Variants in FAM53A observed in about 807,000 individuals in gnomAD.
FAM53A encodes family with sequence similarity 53 member A.
In FAM53A, 28 loss-of-function variants were observed where a neutral mutation model predicts 26.6. That is an observed-to-expected ratio of 1.05 (90% CI 0.78 to 1.45). The LOEUF (loss-of-function observed/expected upper bound fraction) is 1.45. Ranked by LOEUF, FAM53A falls within the 40% of genes most tolerant of loss-of-function variation. FAM53A has a pLI of 0.00. For missense variants in FAM53A, 650 were observed against 575.8 expected, an observed-to-expected ratio of 1.13 and a Z score of -1.32; for synonymous variants, 290 against 253.1, an observed-to-expected ratio of 1.15 and a Z score of -1.38.
chr4:1,685,176 C>T (rs548561238), upstream of FAM53A, among the ~76,000 whole-genome samples: 77 of 152,170 alleles, frequency 5.1e-4, 3 homozygotes, highest in Non-Finnish European at 4.4e-5. Context: ...TCCGCCGACT[C>T]TGGAGATTCC....
chr4:1,667,655 C>T (rs935187902), intron 2 of FAM53A, among the ~76,000 whole-genome samples: 17 of 152,250 alleles, frequency 1.1e-4, no homozygotes, highest in Middle Eastern at 3.4e-3. Context: ...GTCACACGTG[C>T]CCAGTCCAAA....
chr4:1,675,001 T>C (rs1672430420), intron 1 of FAM53A, among the ~76,000 whole-genome samples: 2 of 151,848 alleles, frequency 1.3e-5, no homozygotes, highest in Admixed American at 1.3e-4. Flanking sequence ...CAGTGACGGA[T>C]GGTGGCAGTG....
At chr4:1,651,532 TA>T (rs34037321) in intron 4 of FAM53A, among the ~76,000 whole-genome samples, 45,042 of 145,122 alleles carry the variant, frequency 0.31, 7,113 homozygotes, top group Middle Eastern at 0.5. Flanking sequence ...AATTCTGTCT[TA>T]AAAAAAAAAA....
At chr4:1,684,536 C>T (rs1226536421), upstream of FAM53A, among the ~76,000 whole-genome samples, 3 of 151,500 alleles carry the variant, frequency 2.0e-5, no homozygotes, top group Non-Finnish European at 2.9e-5. Context: ...GCCCCCGGAT[C>T]GACGCCCCGC....
chr4:1,585,119 C>A, the FAM53A span, among the ~76,000 whole-genome samples: 1 of 152,094 alleles, frequency 6.6e-6, no homozygotes, highest in Non-Finnish European at 1.5e-5. Flanking sequence ...GTAGTGAGAA[C>A]ACAAAATCTA....
At chr4:1,641,756 C>T (rs941593793) in intron 4 of FAM53A, 149 bp from the exon 5 acceptor site, 2 of 781,092 alleles carry the variant, frequency 2.6e-6, no homozygotes, top group Non-Finnish European at 4.2e-6. Context: ...TGTACACCAG[C>T]CACAGCTCTC....
intron 1 of FAM53A, among the ~76,000 whole-genome samples, chr4:1,681,939 C>T (rs1715467334): frequency 6.6e-6 from 1 of 152,186 alleles, no homozygotes; most frequent in Admixed American, 6.5e-5. Context: ...ACAAGGTGAG[C>T]TCTGGACAGC....
At chr4:1,577,643 A>G in the FAM53A span, among the ~76,000 whole-genome samples, 1 of 152,172 alleles carries the variant, frequency 6.6e-6, no homozygotes, top group Non-Finnish European at 1.5e-5. Flanking sequence ...ATTACCATAA[A>G]TCCCCCGGTA....
chr4:1,611,638 G>T, the FAM53A span, among the ~76,000 whole-genome samples: 201 of 152,356 alleles, frequency 1.3e-3, no homozygotes, highest in Non-Finnish European at 1.8e-3. Context: ...TGCTCCATGT[G>T]CCAGCAGCAG....
the FAM53A span, among the ~76,000 whole-genome samples, chr4:1,606,574 G>A: frequency 6.6e-6 from 1 of 150,850 alleles, no homozygotes; most frequent in African/African-American, 2.5e-5. Context: ...TCAGACAAGT[G>A]CATAATGACA....
At chr4:1,596,145 C>G in the FAM53A span, among the ~76,000 whole-genome samples, 1 of 152,166 alleles carries the variant, frequency 6.6e-6, no homozygotes, top group Non-Finnish European at 1.5e-5. Flanking sequence ...AGGCCACTAC[C>G]AGGCCACACC....
the FAM53A span, among the ~76,000 whole-genome samples, chr4:1,598,157 C>T: frequency 1.3e-5 from 2 of 152,262 alleles, no homozygotes; most frequent in Admixed American, 6.5e-5. Context: ...GGGGCCCAGC[C>T]CCTTCTTGCC....
At chr4:1,660,045 C>T (rs1713710764) in intron 2 of FAM53A, among the ~76,000 whole-genome samples, 1 of 152,038 alleles carries the variant, frequency 6.6e-6, no homozygotes, top group African/African-American at 2.4e-5. Context: ...ACCTGAATCC[C>T]AGCACGGCGG....
chr4:1,673,942 G>A (rs1026941817), intron 1 of FAM53A, among the ~76,000 whole-genome samples: 3 of 152,238 alleles, frequency 2.0e-5, no homozygotes, highest in African/African-American at 7.2e-5. Flanking sequence ...GCAGGGAAGA[G>A]ACCCTCGTGT....
the FAM53A span, among the ~76,000 whole-genome samples, chr4:1,592,155 T>C: frequency 6.6e-6 from 1 of 151,910 alleles, no homozygotes; most frequent in Non-Finnish European, 1.5e-5. Flanking sequence ...CTGAGGAAGA[T>C]AAACTGGAGA....
At chr4:1,678,473 G>A (rs576988435) in intron 1 of FAM53A, among the ~76,000 whole-genome samples, 38 of 152,330 alleles carry the variant, frequency 2.5e-4, no homozygotes, top group African/African-American at 9.1e-4. Flanking sequence ...TAATACAATA[G>A]AGAACAGAGA....
chr4:1,615,650 A>G (rs926725147), downstream of FAM53A, among the ~76,000 whole-genome samples: 154 of 143,960 alleles, frequency 1.1e-3, no homozygotes, highest in African/African-American at 3.8e-3. Flanking sequence ...GACAGGATGC[A>G]GCCACGCCCA....
chr4:1,636,686 A>G (rs1049671098), downstream of FAM53A, among the ~76,000 whole-genome samples: 2 of 152,228 alleles, frequency 1.3e-5, no homozygotes. Context: ...GAATTGGCCA[A>G]TCCACCTCTG....
At chr4:1,632,275 T>C (rs544237746) in intron 1 of FAM53A, among the ~76,000 whole-genome samples, 14 of 151,608 alleles carry the variant, frequency 9.2e-5, no homozygotes, top group Middle Eastern at 3.5e-3. Flanking sequence ...TGTGTCCTCA[T>C]AGGAAGAGGA....
Sources: gnomAD v4.1 joint callset for allele counts (sites outside exome capture counted in the v4.1 genomes callset) on GRCh38, gnomAD v4.1.1 for gene constraint, MANE v1.5 for transcripts, NCBI Gene and HGNC (gene_info 2026-07-23, HGNC 2026-07-21) for gene names.